The following TMIGD1 variants were observed in gnomAD, a reference collection of about 807,000 sequenced individuals.
TMIGD1 encodes the protein transmembrane and immunoglobulin domain-containing protein 1.
A neutral mutation model predicts 27.5 loss-of-function variants in TMIGD1; 29 were observed. The observed-to-expected ratio is 1.05, with a 90% CI of 0.78 to 1.44. The LOEUF is 1.44. TMIGD1 is among the 40% of genes most tolerant of loss of function. The probability of loss-of-function intolerance (pLI) is 0.00; values close to 1 mark genes in which losing one functional copy is unlikely to be tolerated. For synonymous variants in TMIGD1, 109 were observed against 110.3 expected (o/e 0.99, Z 0.07); for missense variants, 334 against 310.6 (o/e 1.08, Z -0.57).
At chr17:30,332,401 C>T (rs552889604) in intron 1 of TMIGD1, among the ~76,000 whole-genome samples, 55 of 152,264 alleles carry the variant, frequency 3.6e-4, no homozygotes, top group Admixed American at 1.4e-3. Context: ...GATAGAGCAG[C>T]GTCAGGGTGC....
At chr17:30,328,968 CA>C (rs34701131) in intron 3 of TMIGD1, among the ~76,000 whole-genome samples, 588 of 86,918 alleles carry the variant, frequency 6.8e-3, no homozygotes, top group African/African-American at 0.021. Context: ...GACTCTGTCT[CA>C]AAAAAAAAAA....
Position 30,329,474 on chromosome 17 carries a change from A to G in TMIGD1, c.138T>C (p.Pro46=). The G allele has an allele frequency of 6.2e-7, 1 of 1,614,186 alleles. No individual in the cohort carries two copies. The highest frequency in any genetic ancestry group is 8.5e-7 in the Non-Finnish European group (1 of 1,180,016). Residue 46 remains proline, a synonymous_variant, in exon 3 of 7, where the codon CCT becomes CCC. Transcript: ENST00000328886. The part of the protein sequence containing the change: ...KTENYILDTT[P]GSQASLICAV... ...CACATATCAGAGATGCTTGGGAGCCAGGTGTAGTATCCAGGATATAGTTCT... is the reference window on the plus strand; with the variant it reads ...CACATATCAGAGATGCTTGGGAGCCGGGTGTAGTATCCAGGATATAGTTCT...
intron 3 of TMIGD1, among the ~76,000 whole-genome samples, chr17:30,327,045 TACACACACAC>T (rs60346282): frequency 4.8e-5 from 7 of 146,492 alleles, no homozygotes; most frequent in South Asian, 2.2e-4. Flanking sequence ...CAATTAACTA[TACACACACAC>T]ACACACACAC....
chr17:30,322,918 C>T (rs569167197), intron 4 of TMIGD1, among the ~76,000 whole-genome samples: 3 of 152,170 alleles, frequency 2.0e-5, no homozygotes, highest in Non-Finnish European at 4.4e-5. Context: ...TGCCTGTAAC[C>T]CCAGCACTTT....
chr17:30,319,261 A>AAAAATATATATATATATATATAT, intron 4 of TMIGD1, among the ~76,000 whole-genome samples: 12 of 69,038 alleles, frequency 1.7e-4, no homozygotes, highest in African/African-American at 1.0e-3. Flanking sequence ...AAAAAAAAAA[A>AAAAATATATATATATATATATAT]ATATATATAT....
At chr17:30,326,596 C>T (rs781504552) in intron 3 of TMIGD1, among the ~76,000 whole-genome samples, 3 of 151,980 alleles carry the variant, frequency 2.0e-5, no homozygotes, top group Non-Finnish European at 4.4e-5. Context: ...TTTTAGAATG[C>T]TATAGTATAA....
rs113870371 is a variant in TMIGD1 at position 30,329,922 on chromosome 17, TA to T, written c.83-394del. Among the ~76,000 whole-genome samples, 159 of 145,870 alleles carry T rather than the reference TA, an allele frequency of 1.1e-3. 1 individual carries two copies. The highest frequency in any genetic ancestry group is 3.8e-3 in the African/African-American group (149 of 39,468). On this transcript the variant is annotated intron_variant, in intron 2 of 6. Transcript: ENST00000328886. The stretch of plus-strand genomic sequence containing the variant: ...TCCGTCTCTACAAAAAATAAAAAAA[TA>T]AAAAAAAAAACATTAGCCAGGCATG...
intron 4 of TMIGD1, among the ~76,000 whole-genome samples, chr17:30,321,042 G>T (rs374148550): frequency 1.3e-5 from 2 of 152,218 alleles, no homozygotes; most frequent in South Asian, 2.1e-4. Context: ...ATTTTAGGTA[G>T]AGACAGTGTT....
At chr17:30,329,133 CT>C (rs1909887529) in intron 3 of TMIGD1, 117 bp downstream of exon 3, 1 of 1,246,034 alleles carries the variant, frequency 8.0e-7, no homozygotes, top group Admixed American at 2.1e-5. Flanking sequence ...TACTCTCATA[CT>C]TTGTGGTAGG....
rs147010837 is a variant in TMIGD1, at chr17:30,329,318, T to G, written c.294A>C (p.Gly98=). The change falls in exon 3 of 7, where the codon GGA becomes GGC. Residue 98 remains glycine, a synonymous_variant. Coordinates refer to ENST00000328886, the MANE Select transcript of TMIGD1 (RefSeq NM_206832.3). ...TCCCCAGCCTGCAGGTAAAGCTGATTCCGTTGTCATTTTCACTGATGGAAG... is the reference window on the plus strand; with the variant it reads ...TCCCCAGCCTGCAGGTAAAGCTGATGCCGTTGTCATTTTCACTGATGGAAG... ...CVSSISENDN[G]ISFTCRLGRD... 1.2e-6 allele frequency: 2 copies of G among 1,614,018 alleles called. No individual in the cohort carries two copies. The highest frequency in any genetic ancestry group is 2.7e-5 in the African/African-American group (2 of 74,986).
rs921094814 is a variant in TMIGD1, at chr17:30,316,545, C to G, written c.*142G>C. 2 of 772,608 alleles carry G rather than the reference C, an allele frequency of 2.6e-6. No individual in the cohort carries two copies. Among genetic ancestry groups the G allele is most frequent in the Non-Finnish European group, 4.2e-6 (2 of 476,690 alleles). The allele number at this position is 772,608 out of a possible 1,614,324, so 47.9% of individuals were successfully genotyped here. A position where few individuals can be genotyped will look rare whatever the true frequency, so the allele number is the denominator to read the frequency against. ...TGTTCCACAAGTGTATCAAATTAGT[C>G]CTAACAACTACTGTTAAGTGATTAA... is the stretch of plus-strand genomic sequence containing the variant. On this transcript the variant is annotated 3_prime_UTR_variant, in exon 7 of 7. Coordinates refer to ENST00000328886, the MANE Select transcript of TMIGD1 (RefSeq NM_206832.3).
intron 3 of TMIGD1, among the ~76,000 whole-genome samples, chr17:30,326,635 T>C (rs563675164): frequency 1.2e-4 from 18 of 152,356 alleles, no homozygotes; most frequent in African/African-American, 4.3e-4. Context: ...TGTGTTTTGA[T>C]GGGCTTTAGG....
chr17:30,327,837 T>C (rs904818401), intron 3 of TMIGD1, among the ~76,000 whole-genome samples: 5 of 151,938 alleles, frequency 3.3e-5, no homozygotes, highest in Admixed American at 2.0e-4. Flanking sequence ...ACCTCACCCA[T>C]TGCCATACCA....
chr17:30,330,914 C>T (rs1231886491), intron 2 of TMIGD1, among the ~76,000 whole-genome samples: 1 of 152,208 alleles, frequency 6.6e-6, no homozygotes, highest in Non-Finnish European at 1.5e-5. Context: ...CTTAAGCTGG[C>T]CGGGCATGGT....
intron 6 of TMIGD1, 177 bp from the exon 7 acceptor site, chr17:30,316,867 G>A: frequency 1.5e-6 from 1 of 670,140 alleles, no homozygotes; most frequent in East Asian, 2.7e-5. Context: ...GATGAATGTG[G>A]TTCCTGGCCT....
Position 30,316,541 on chromosome 17 carries a change from T to G in TMIGD1, c.*146A>C. ...AAAATGTTCCACAAGTGTATCAAAT[T>G]AGTCCTAACAACTACTGTTAAGTGA... On this transcript the variant is annotated 3_prime_UTR_variant, in exon 7 of 7. Coordinates refer to ENST00000328886, the MANE Select transcript of TMIGD1 (RefSeq NM_206832.3). The G allele has an allele frequency of 2.7e-6, 2 of 733,640 alleles. No individual in the cohort carries two copies. The highest frequency in any genetic ancestry group is 4.5e-6 in the Non-Finnish European group (2 of 446,684). The allele number at this position is 733,640 out of a possible 1,614,324, so 45.4% of individuals were successfully genotyped here.
chr17:30,326,788 GA>G (rs1909791107), intron 3 of TMIGD1, among the ~76,000 whole-genome samples: 2 of 152,264 alleles, frequency 1.3e-5, no homozygotes, highest in South Asian at 4.1e-4. Flanking sequence ...TTTAAATTTT[GA>G]TAAGTATTTT....
intron 2 of TMIGD1, among the ~76,000 whole-genome samples, chr17:30,330,651 G>T (rs1909946436): frequency 6.6e-6 from 1 of 152,194 alleles, no homozygotes; most frequent in South Asian, 2.1e-4. Context: ...GTTGAGGTTT[G>T]TGTGGTAGAC....
chr17:30,317,965 G>C (rs1437546814), intron 5 of TMIGD1, among the ~76,000 whole-genome samples: 1 of 152,004 alleles, frequency 6.6e-6, no homozygotes, highest in African/African-American at 2.4e-5. Flanking sequence ...CTACTAGGGA[G>C]GCTGAGGTGG....
Sources: gnomAD v4.1 joint callset for allele counts (sites outside exome capture counted in the v4.1 genomes callset) on GRCh38, gnomAD v4.1.1 for gene constraint, MANE v1.5 for transcripts, NCBI Gene and HGNC (gene_info 2026-07-23, HGNC 2026-07-21) for gene names.